Variants in DERPC observed in about 807,000 individuals in gnomAD.
DERPC encodes the protein DERPC proline and glycine rich nuclear protein.
DERPC carries 1 observed loss-of-function variant against 7.2 expected under a neutral mutation model. That is an observed-to-expected ratio of 0.14 (90% CI 0.05 to 0.66). DERPC has a LOEUF of 0.66. Ranked by LOEUF, DERPC falls within the 30% of genes least tolerant of loss-of-function variation. DERPC has a pLI of 0.84. For missense variants in DERPC, 502 were observed against 299.4 expected (o/e 1.68, Z -4.99); for synonymous variants, 185 against 117.6 (o/e 1.57, Z -3.71).
In DERPC at chr16:69,119,939, G is replaced by A. The variant is rs1376687860; in HGVS notation, c.490C>T (p.Leu164Phe). The change falls in exon 3 of 3, where the codon CTC (leucine) becomes TTC (phenylalanine). Residue 164 changes from leucine to phenylalanine, a missense_variant. Leu to Phe is a conservative substitution (Grantham distance 22). Coordinates refer to ENST00000519520, the MANE Select transcript of DERPC (RefSeq NM_001002847.4). The part of the protein sequence containing the change: ...GPMSNPRAGG[L>F]LGAGPDPRGG... Reference sequence around the variant, plus strand: ...CTGGGGTCAGGACCTGCTCCCAGGAGACCACCTGCCCTTGGGTTGGACATA... The same window carrying A: ...CTGGGGTCAGGACCTGCTCCCAGGAAACCACCTGCCCTTGGGTTGGACATA... The A allele has an allele frequency of 1.3e-5, 9 of 702,070 alleles. No homozygotes were observed. Among genetic ancestry groups the A allele is most frequent in the Non-Finnish European group, 2.3e-5 (9 of 384,446 alleles). 43.5% of individuals were successfully genotyped at this position (702,070 alleles called of 1,614,324 possible).
chr16:69,125,336 AT>A (rs1179682856), intron 1 of DERPC, among the ~76,000 whole-genome samples: 1 of 152,162 alleles, frequency 6.6e-6, no homozygotes, highest in African/African-American at 2.4e-5. Flanking sequence ...TGATATAGGT[AT>A]TTATTCCTAT....
intron 1 of DERPC, among the ~76,000 whole-genome samples, chr16:69,130,713 A>T (rs1381869727): frequency 6.6e-6 from 1 of 152,202 alleles, no homozygotes; most frequent in Non-Finnish European, 1.5e-5. Context: ...CAAGCTATCG[A>T]TTTCCCAGAG....
Position 69,119,783 on chromosome 16 carries a change from C to T in DERPC, c.646G>A (p.Gly216Ser), listed in dbSNP as rs576030478. Residue 216 changes from glycine to serine, a missense_variant, in exon 3 of 3, where the codon GGC (glycine) becomes AGC (serine). Transcript: ENST00000519520. Reference sequence around the variant, plus strand: ...GGGGCAGGGTTTGTCCCTAAAAAGCCTGATCTCAGATTGGGGTTTGGTCCT... The same window carrying T: ...GGGGCAGGGTTTGTCCCTAAAAAGCTTGATCTCAGATTGGGGTTTGGTCCT... ...GPGPNPNLRS[G>S]FLGTNPAPRS... 5 of 699,954 alleles carry T rather than the reference C, an allele frequency of 7.1e-6. No homozygotes were observed. The South Asian group carries it at 7.4e-5, about 10-fold the overall frequency. The allele number at this position is 699,954 out of a possible 1,614,324, so 43.4% of individuals were successfully genotyped here. A position where few individuals can be genotyped will look rare whatever the true frequency, so the allele number is the denominator to read the frequency against.
At chr16:69,128,023 T>A (rs774466206) in intron 1 of DERPC, among the ~76,000 whole-genome samples, 4 of 152,132 alleles carry the variant, frequency 2.6e-5, no homozygotes, top group Non-Finnish European at 5.9e-5. Flanking sequence ...CAGGGGATTC[T>A]CCTGCCTCAG....
chr16:69,123,280 G>T (rs191008737), intron 1 of DERPC, among the ~76,000 whole-genome samples: 44 of 152,252 alleles, frequency 2.9e-4, no homozygotes, highest in African/African-American at 1.0e-3. Flanking sequence ...AGTTTCTTAA[G>T]ATTTTACTTT....
Position 69,118,360 on chromosome 16 carries a change from A to G in DERPC, c.*494T>C. 6.2e-7 allele frequency: 1 copy of G among 1,601,360 alleles called. No individual in the cohort carries two copies. Among genetic ancestry groups the G allele is most frequent in the Non-Finnish European group, 8.6e-7 (1 of 1,168,522 alleles). On this transcript the variant is annotated 3_prime_UTR_variant, in exon 3 of 3. Transcript: ENST00000519520. ...CTCCCTGTTCTGTGTTCAAGCCCCC[A>G]GGGAAAGGTATGGCAGTAGAGGATG...
At chr16:69,121,284 G>A (rs924962213) in intron 2 of DERPC, 152 bp downstream of exon 2, 1 of 1,268,254 alleles carries the variant, frequency 7.9e-7, no homozygotes, top group African/African-American at 1.5e-5. Flanking sequence ...AAGTTCTTGG[G>A]AAATTGGGCA....
In DERPC at chr16:69,118,779, C is replaced by T. The variant is rs181557614; in HGVS notation, c.*75G>A. On this transcript the variant is annotated 3_prime_UTR_variant, in exon 3 of 3. Transcript: ENST00000519520. ...CTTCAGACTGTAGCTCCACAACTAC[C>T]CTTTTACCTAAGACAGCCCCTGCCA... The T allele has an allele frequency of 2.0e-5, 13 of 644,714 alleles. No homozygotes were observed. The East Asian group carries it at 3.5e-4, about 17-fold the overall frequency. The allele number at this position is 644,714 out of a possible 1,614,324, so 39.9% of individuals were successfully genotyped here. A position where few individuals can be genotyped will look rare whatever the true frequency, so the allele number is the denominator to read the frequency against.
At chr16:69,127,870 A>G (rs1272549463) in intron 1 of DERPC, among the ~76,000 whole-genome samples, 2 of 151,862 alleles carry the variant, frequency 1.3e-5, no homozygotes, top group Non-Finnish European at 2.9e-5. Context: ...TTGGCCTTCC[A>G]AAGTGTTGGG....
In DERPC at chr16:69,120,263, C is replaced by T. The variant is rs554038150; in HGVS notation, c.166G>A (p.Gly56Ser). Residue 56 changes from glycine (G) to serine (S), a missense_variant, in exon 3 of 3, where the codon GGT (glycine) becomes AGT (serine). Gly to Ser is a moderately conservative substitution (Grantham distance 56). Transcript: ENST00000519520. The surrounding 1 kb of genome is among the most constrained non-coding windows in gnomAD (Gnocchi z 4.0). ...GGGGTCAGATTTCCACCAAGAGAAC[C>T]GGCCGCCATAAGGAAGGGATCCGAG... ...VNSDPFLMAA[G>S]SLGGNLTPFP... 432 of 729,212 alleles carry T rather than the reference C, an allele frequency of 5.9e-4. 3 individuals carry two copies. The highest frequency in any genetic ancestry group is 2.2e-3 in the South Asian group (152 of 68,158). The allele number at this position is 729,212 out of a possible 1,614,324, so 45.2% of individuals were successfully genotyped here.
In DERPC at chr16:69,120,380, G is replaced by A. The variant is rs770506692; in HGVS notation, c.49C>T (p.Arg17Cys). ...CGTCCTCGAGGTGGCAGCGGAGCACGAGTCCAAGGAGTTGGCCGCTCTCTA... is the reference window on the plus strand; with the variant it reads ...CGTCCTCGAGGTGGCAGCGGAGCACAAGTCCAAGGAGTTGGCCGCTCTCTA... Reference protein sequence around the residue: ...FPRERPTPWTRAPLPPRGRLD... With the variant: ...FPRERPTPWTCAPLPPRGRLD... Residue 17 changes from arginine to cysteine, a missense_variant, in exon 3 of 3, where the codon CGT becomes TGT. Physicochemically the swap from Arg to Cys is radical, Grantham distance 180 (BLOSUM62 -3). Transcript: ENST00000519520. This position sits in a 1 kb window ranked among gnomAD's most constrained non-coding sequence, Gnocchi z 4.0. 7 of 1,586,962 alleles carry A rather than the reference G, an allele frequency of 4.4e-6. No individual in the cohort carries two copies. The highest frequency in any genetic ancestry group is 6.1e-6 in the Non-Finnish European group (7 of 1,155,386).
chr16:69,128,644 C>T (rs1213036646), intron 1 of DERPC, among the ~76,000 whole-genome samples: 1 of 152,224 alleles, frequency 6.6e-6, no homozygotes, highest in East Asian at 1.9e-4. Context: ...TTCAAAGAAT[C>T]AATCCTGACC....
At chr16:69,122,674 G>A (rs1475893272) in intron 1 of DERPC, among the ~76,000 whole-genome samples, 1 of 151,842 alleles carries the variant, frequency 6.6e-6, no homozygotes, top group African/African-American at 2.4e-5. Flanking sequence ...CCGAGCAGCT[G>A]GGATTACAGG....
intron 1 of DERPC, among the ~76,000 whole-genome samples, chr16:69,127,358 T>C (rs941180397): frequency 1.3e-5 from 2 of 151,994 alleles, no homozygotes; most frequent in Non-Finnish European, 2.9e-5. Flanking sequence ...AAATCCCTAT[T>C]AGAAATCACA....
chr16:69,124,642 T>C (rs890099655), intron 1 of DERPC, among the ~76,000 whole-genome samples: 3 of 151,996 alleles, frequency 2.0e-5, no homozygotes, highest in Admixed American at 6.6e-5. Flanking sequence ...CCCAAAGTAC[T>C]GTGTTTACAG....
At chr16:69,130,453 T>C (rs1005154803) in intron 1 of DERPC, among the ~76,000 whole-genome samples, 2 of 152,230 alleles carry the variant, frequency 1.3e-5, no homozygotes, top group Non-Finnish European at 2.9e-5. Context: ...TTGGCATTTA[T>C]TGAGCTTTTG....
chr16:69,124,558 G>C lies in DERPC; in HGVS notation c.-279-3065C>G, dbSNP rs960042254. On this transcript the variant is annotated intron_variant, in intron 1 of 2. Coordinates refer to ENST00000519520, the MANE Select transcript of DERPC (RefSeq NM_001002847.4). ...CTTGCCTCAGCCTCCTGAGTAGCTG[G>C]GATTACAGGCGCCCGCCACCACGCC... Among the ~76,000 whole-genome samples the C allele has an allele frequency of 2.0e-5, 3 of 151,886 alleles. No homozygotes were observed. The East Asian group carries it at 5.8e-4, about 30-fold the overall frequency.
intron 1 of DERPC, among the ~76,000 whole-genome samples, chr16:69,128,072 G>A (rs1171899494): frequency 6.6e-5 from 10 of 152,060 alleles, no homozygotes; most frequent in African/African-American, 2.2e-4. Context: ...CTGCCACCGC[G>A]CCTTGCTGAT....
intron 1 of DERPC, among the ~76,000 whole-genome samples, chr16:69,126,880 T>C (rs970813525): frequency 5.9e-5 from 9 of 152,208 alleles, no homozygotes; most frequent in Non-Finnish European, 1.2e-4. Flanking sequence ...TAGGGATTCC[T>C]GAGTACTCCC....
Sources: allele counts gnomAD v4.1 joint callset (sites outside exome capture counted in the v4.1 genomes callset), GRCh38; gene constraint gnomAD v4.1.1; non-coding constraint Gnocchi (gnomAD v3.1); transcripts MANE v1.5; gene names NCBI Gene and HGNC (gene_info 2026-07-23, HGNC 2026-07-21).